The following XBP1 variants were observed in gnomAD, a reference collection of about 807,000 sequenced individuals.
XBP1 encodes X-box binding protein 1.
In XBP1, 18 loss-of-function variants were observed where a neutral mutation model predicts 34.6. That is an observed-to-expected ratio of 0.52 (90% CI 0.36 to 0.77). The LOEUF is 0.77. XBP1 is among the 30% of genes least tolerant of loss of function. XBP1 has a pLI of 0.00. For missense variants in XBP1, 422 were observed against 464.6 expected (o/e 0.91, Z 0.84); for synonymous variants, 191 against 193.4 (o/e 0.99, Z 0.11).
At chr22:28,797,987 A>G (rs1442930886) in intron 2 of XBP1, among the ~76,000 whole-genome samples, 1 of 152,192 alleles carries the variant, frequency 6.6e-6, no homozygotes, top group South Asian at 2.1e-4. Flanking sequence ...CAAATTGACC[A>G]AGGGGTTAAA....
chr22:28,796,151 T>C lies in XBP1; in HGVS notation c.495A>G (p.Ala165=), dbSNP rs759893904. The change falls in exon 4 of 6, where the codon GCA becomes GCG. Residue 165 remains alanine, a synonymous_variant. Transcript: ENST00000344347. ...GCAGAGGTGCACGTAGTCTGAGTGC[T>C]GCGGACTCAGCAGACCCGGCCACTG... The C allele has an allele frequency of 3.1e-6, 5 of 1,608,920 alleles. No homozygotes were observed. Among genetic ancestry groups the C allele is most frequent in the Non-Finnish European group, 4.2e-6 (5 of 1,177,764 alleles).
At position 28,795,623 on chromosome 22, in the gene XBP1, C is replaced by A. The variant is rs770027749; in HGVS notation, c.683G>T (p.Gly228Val). Reference sequence around the variant, plus strand: ...AAGGGAGGCTGGTAAGGAACTGGGTCCTTCTGGGTAGACCTCTGGGAGCTC... The same window carrying A: ...AAGGGAGGCTGGTAAGGAACTGGGTACTTCTGGGTAGACCTCTGGGAGCTC... Residue 228 changes from glycine (G) to valine (V), a missense_variant, in exon 6 of 6, where the codon GGA (glycine) becomes GTA (valine). Physicochemically the swap from Gly to Val is moderately radical, Grantham distance 109 (BLOSUM62 -3). Coordinates refer to ENST00000344347, the Ensembl canonical transcript of XBP1. 4 of 1,613,618 alleles carry A rather than the reference C, an allele frequency of 2.5e-6. No homozygotes were observed. The South Asian group carries it at 4.4e-5, about 18-fold the overall frequency.
chr22:28,800,151 G>A lies in XBP1; in HGVS notation c.227+147C>T, dbSNP rs1274171581. ...CAGTCCGGGCTTCCTGCCCCGCCCC[G>A]CGCCACGCTGGCACCGACCCGCCAG... On this transcript the variant is annotated intron_variant, in intron 1 of 5. Coordinates refer to ENST00000344347, the Ensembl canonical transcript of XBP1. 7.3e-6 allele frequency: 7 copies of A among 952,470 alleles called. No homozygotes were observed. In the East Asian group the frequency reaches 1.4e-4, roughly 18 times the overall value. The allele number at this position is 952,470 out of a possible 1,614,324, so 59.0% of individuals were successfully genotyped here.
chr22:28,796,165 A>T (rs763652333), exon 4 of XBP1: 1 of 1,591,604 alleles, frequency 6.3e-7, no homozygotes, highest in Admixed American at 1.8e-5. Flanking sequence ...GACTCAGCAG[A>T]CCCGGCCACT....
At chr22:28,795,160 G>A (rs1366514792), downstream of XBP1, 3 of 1,490,016 alleles carry the variant, frequency 2.0e-6, no homozygotes, top group Non-Finnish European at 2.7e-6. Flanking sequence ...AAGGGCAACA[G>A]TATTGGATCA....
At chr22:28,797,275 A>G (rs867327655) in intron 2 of XBP1, 70 bp from the exon 3 acceptor site, 8 of 1,531,116 alleles carry the variant, frequency 5.2e-6, no homozygotes, top group Middle Eastern at 1.7e-4. Flanking sequence ...CTGATTCAGT[A>G]TAATTGGTTT....
Position 28,798,793 on chromosome 22 carries a change from T to G in XBP1, c.324+264A>C, listed in dbSNP as rs5762808. 1,660 of 189,728 alleles carry G rather than the reference T, an allele frequency of 8.7e-3. 39 individuals are homozygous for G. Among genetic ancestry groups the G allele is most frequent in the African/African-American group, 0.039 (1,569 of 39,836 alleles). 11.8% of individuals were successfully genotyped at this position (189,728 alleles called of 1,614,324 possible). Reference sequence around the variant, plus strand: ...CTTTTTTTTTTTTTTTTTTTTGGTATATTTTTGGGTAGAGACGGGATTTTA... The same window carrying G: ...CTTTTTTTTTTTTTTTTTTTTGGTAGATTTTTGGGTAGAGACGGGATTTTA... On this transcript the variant is annotated intron_variant, in intron 2 of 5. Transcript: ENST00000344347.
chr22:28,800,381 C>G, exon 1 of XBP1: 2 of 1,537,172 alleles, frequency 1.3e-6, no homozygotes, highest in Non-Finnish European at 1.7e-6. Context: ...TCGCTGCCTC[C>G]GGGCTGGCCC....
At chr22:28,799,892 C>G (rs1300647973) in intron 1 of XBP1, 1 of 747,104 alleles carries the variant, frequency 1.3e-6, no homozygotes, top group Non-Finnish European at 2.5e-6. Context: ...CCAGCCCTTT[C>G]AACAGCTCTG....
intron 2 of XBP1, among the ~76,000 whole-genome samples, chr22:28,798,553 C>T (rs930545670): frequency 1.3e-5 from 2 of 151,750 alleles, no homozygotes; most frequent in African/African-American, 4.8e-5. Flanking sequence ...AAGTTATCTA[C>T]CCACCTTGGC....
chr22:28,800,144 C>G, intron 1 of XBP1, 154 bp downstream of exon 1: 2 of 903,878 alleles, frequency 2.2e-6, no homozygotes, highest in Non-Finnish European at 3.4e-6. Context: ...GCTTCCTGCC[C>G]CGCCCCGCGC....
chr22:28,795,370 CG>C lies in XBP1; in HGVS notation c.935del (p.Pro312ArgfsTer46). On this transcript the variant is annotated frameshift_variant, in exon 6 of 6. Coordinates refer to ENST00000344347, the Ensembl canonical transcript of XBP1. LOFTEE classifies it high-confidence loss of function. ...AAAGCAGATTTGAGATACCCAGCTCCGGAACGAGGTCATCTTCTACAGGTTC... is the reference window on the plus strand; with the variant it reads ...AAAGCAGATTTGAGATACCCAGCTCCGAACGAGGTCATCTTCTACAGGTTC... 6.4e-7 allele frequency: 1 copy of C among 1,552,386 alleles called. No homozygotes were observed. The highest frequency in any genetic ancestry group is 1.2e-5 in the South Asian group (1 of 84,170).
At chr22:28,797,148 C>T (rs766920932) in exon 3 of XBP1, 3 of 1,613,512 alleles carry the variant, frequency 1.9e-6, no homozygotes, top group Non-Finnish European at 2.5e-6. Context: ...TGGTTCTCAA[C>T]TACAAGGCCA....
At chr22:28,796,176 G>A (rs2031748715) in exon 4 of XBP1, 2 of 1,576,952 alleles carry the variant, frequency 1.3e-6, no homozygotes, top group Admixed American at 1.9e-5. Context: ...CCCGGCCACT[G>A]GCCTCACTTC....
intron 1 of XBP1, 25 bp from the exon 2 acceptor site, chr22:28,799,178 A>G: frequency 6.4e-7 from 1 of 1,566,394 alleles, no homozygotes. Context: ...AACATACCAC[A>G]CTGAGTCATA....
At chr22:28,795,135 G>A, downstream of XBP1, 3 of 1,462,606 alleles carry the variant, frequency 2.1e-6, no homozygotes, top group Non-Finnish European at 9.1e-7. Flanking sequence ...TCCAGGCAGT[G>A]TAATAGTCAA....
At chr22:28,797,280 T>G in intron 2 of XBP1, 75 bp from the exon 3 acceptor site, 1 of 1,519,826 alleles carries the variant, frequency 6.6e-7, no homozygotes, top group Non-Finnish European at 8.9e-7. Context: ...TCAGTATAAT[T>G]GGTTTCCTTT....
At chr22:28,796,803 T>C (rs960377102) in intron 3 of XBP1, 1 of 246,366 alleles carries the variant, frequency 4.1e-6, no homozygotes, top group Non-Finnish European at 7.7e-6. Flanking sequence ...TGCATGGTAA[T>C]CTTGTTGGCT....
chr22:28,795,498 A>G (rs764674994), exon 6 of XBP1: 7 of 1,614,188 alleles, frequency 4.3e-6, no homozygotes, highest in African/African-American at 1.3e-5. Flanking sequence ...TCTGTCTCAG[A>G]GGGTATCTCT....
Sources: gnomAD v4.1 joint callset for allele counts (sites outside exome capture counted in the v4.1 genomes callset) on GRCh38, gnomAD v4.1.1 for gene constraint, MANE v1.5 for transcripts, NCBI Gene and HGNC (gene_info 2026-07-23, HGNC 2026-07-21) for gene names.